The following DAPK1 variants were observed in gnomAD, a reference collection of about 807,000 sequenced individuals.
DAPK1 encodes the protein death-associated protein kinase 1.
Under a neutral mutation model 144.9 loss-of-function variants are expected in DAPK1, and 56 were observed. The observed-to-expected ratio is 0.39, with a 90% CI of 0.31 to 0.48. The LOEUF (loss-of-function observed/expected upper bound fraction) is 0.48. Among genes scored for constraint, DAPK1 ranks in the 20% least tolerant of loss-of-function variants. The pLI, the probability that DAPK1 is intolerant of heterozygous loss-of-function variation, is 0.95. For missense variants in DAPK1, 1,454 were observed against 1,875.4 expected, an observed-to-expected ratio of 0.78 and a Z score of 4.15; for synonymous variants, 690 against 749.0, an observed-to-expected ratio of 0.92 and a Z score of 1.29.
chr9:87,523,755 A>G (rs1047799721), intron 2 of DAPK1, among the ~76,000 whole-genome samples: 4 of 152,146 alleles, frequency 2.6e-5, no homozygotes, highest in Non-Finnish European at 4.4e-5. Context: ...CCCCTCAGTT[A>G]CCATTTGCTC....
chr9:87,661,404 T>TGTGCGTAA (rs1830842825), intron 18 of DAPK1, among the ~76,000 whole-genome samples: 1 of 152,208 alleles, frequency 6.6e-6, no homozygotes, highest in Non-Finnish European at 1.5e-5. Flanking sequence ...TTTCTCTATG[T>TGTGCGTAA]TTTCCATAGA....
chr9:87,648,919 C>G, intron 15 of DAPK1, 40 bp downstream of exon 15: 1 of 1,526,480 alleles, frequency 6.6e-7, no homozygotes, highest in Non-Finnish European at 9.1e-7. Context: ...CTGCTCTATA[C>G]ATGAATGTAC....
intron 1 of DAPK1, 49 bp from the exon 2 acceptor site, chr9:87,498,921 T>C (rs924033501): frequency 6.7e-6 from 4 of 595,368 alleles, no homozygotes; most frequent in Non-Finnish European, 1.2e-5. Context: ...TACTTCCTTT[T>C]GGGGTTGCCA....
At position 87,706,387 on chromosome 9, in the gene DAPK1, C is replaced by T. The variant is rs1214129083; in HGVS notation, c.3316C>T (p.Leu1106=). 1 of 1,611,684 alleles carries T rather than the reference C, an allele frequency of 6.2e-7. No homozygotes were observed. The highest frequency in any genetic ancestry group is 8.5e-7 in the Non-Finnish European group (1 of 1,179,020). ...CGGGACCATGGTGGACGTCCCAGCC[C>T]TGATCAAGACAGACAACCTGCACCG... The part of the protein sequence containing the change: ...SSGTMVDVPA[L]IKTDNLHRSW... The change falls in exon 26 of 26, where the codon CTG becomes TTG. Residue 1106 remains leucine (L), a synonymous_variant. Coordinates refer to ENST00000408954, the MANE Select transcript of DAPK1 (RefSeq NM_004938.4). This position sits in a 1 kb window ranked among gnomAD's most constrained non-coding sequence, Gnocchi z 9.0.
At position 87,686,806 on chromosome 9, in the gene DAPK1, A is replaced by G; in HGVS notation, c.2413+67A>G. ...TTCAACAGGGTTGTAAGTCATCCCT[A>G]AAGGGAGCTTGTCCTGAGCTGTATC... On this transcript the variant is annotated intron_variant, in intron 21 of 25. Coordinates refer to ENST00000408954, the MANE Select transcript of DAPK1 (RefSeq NM_004938.4). This position sits in a 1 kb window ranked among gnomAD's most constrained non-coding sequence, Gnocchi z 4.2. 1.4e-6 allele frequency: 2 copies of G among 1,406,226 alleles called. No individual in the cohort carries two copies. The highest frequency in any genetic ancestry group is 2.0e-6 in the Non-Finnish European group (2 of 1,020,340). The allele number at this position is 1,406,226 out of a possible 1,614,324, so 87.1% of individuals were successfully genotyped here.
chr9:87,631,104 G>A (rs915455214), intron 3 of DAPK1, among the ~76,000 whole-genome samples: 1 of 152,148 alleles, frequency 6.6e-6, no homozygotes, highest in Non-Finnish European at 1.5e-5. Context: ...CCTCGAAGGT[G>A]TGCCCTGGGG....
intron 3 of DAPK1, among the ~76,000 whole-genome samples, chr9:87,622,111 G>A (rs539546173): frequency 1.3e-5 from 2 of 151,488 alleles, no homozygotes; most frequent in East Asian, 3.9e-4. Context: ...ATTTCTAAAA[G>A]GTCTCTGGGA....
At chr9:87,624,656 T>G (rs1182525073) in intron 3 of DAPK1, among the ~76,000 whole-genome samples, 1 of 152,186 alleles carries the variant, frequency 6.6e-6, no homozygotes, top group Non-Finnish European at 1.5e-5. Flanking sequence ...ATCCCCTGAT[T>G]TCTTCCAGAT....
At chr9:87,587,367 T>C (rs1024262682) in intron 2 of DAPK1, among the ~76,000 whole-genome samples, 1 of 152,244 alleles carries the variant, frequency 6.6e-6, no homozygotes. Flanking sequence ...GTGTGTTTCT[T>C]ATATAGAATA....
chr9:87,688,275 T>C (rs1587846375), intron 21 of DAPK1, among the ~76,000 whole-genome samples: 1 of 152,362 alleles, frequency 6.6e-6, no homozygotes, highest in East Asian at 1.9e-4. Flanking sequence ...ATGATTTTCT[T>C]CTTTTTTATG....
chr9:87,604,811 A>G, intron 2 of DAPK1, 143 bp from the exon 3 acceptor site: 2 of 657,402 alleles, frequency 3.0e-6, no homozygotes, highest in Non-Finnish European at 5.3e-6. Context: ...ATGATAAGAA[A>G]CATCCCTACC....
intron 2 of DAPK1, among the ~76,000 whole-genome samples, chr9:87,579,563 G>C (rs991924324): frequency 4.6e-5 from 7 of 152,116 alleles, no homozygotes; most frequent in Admixed American, 3.3e-4. Flanking sequence ...TCTACGTTGG[G>C]AATAATAGCA....
chr9:87,541,549 GAAA>G (rs34942132), intron 2 of DAPK1, among the ~76,000 whole-genome samples: 174 of 133,344 alleles, frequency 1.3e-3, no homozygotes, highest in Middle Eastern at 7.7e-3. Context: ...ACTCTGTCTG[GAAA>G]AAAAAAAAAA....
chr9:87,571,528 C>CACACACACACACACACACACACACACACA (rs55676810), intron 2 of DAPK1, among the ~76,000 whole-genome samples: 10 of 135,684 alleles, frequency 7.4e-5, no homozygotes, highest in African/African-American at 1.3e-4. Context: ...CACACACACA[C>CACACACACACACACACACACACACACACA]CAGAAGCGAA....
At chr9:87,612,458 C>T (rs1828963325) in intron 3 of DAPK1, among the ~76,000 whole-genome samples, 1 of 152,154 alleles carries the variant, frequency 6.6e-6, no homozygotes, top group African/African-American at 2.4e-5. Flanking sequence ...CAGATTCATC[C>T]TCAGATCCCT....
chr9:87,677,616 T>C (rs1824442455), intron 19 of DAPK1, among the ~76,000 whole-genome samples: 1 of 152,208 alleles, frequency 6.6e-6, no homozygotes, highest in African/African-American at 2.4e-5. Context: ...TGCCTTCCCC[T>C]GGTCTCAGAT....
intron 2 of DAPK1, 102 bp downstream of exon 2, chr9:87,499,241 C>A: frequency 9.4e-7 from 1 of 1,067,904 alleles, no homozygotes. Flanking sequence ...GCGTCTCCCT[C>A]GCCCTTTCTG....
intron 2 of DAPK1, among the ~76,000 whole-genome samples, chr9:87,587,373 G>A (rs1258856124): frequency 6.6e-6 from 1 of 152,164 alleles, no homozygotes; most frequent in African/African-American, 2.4e-5. Flanking sequence ...TTCTTATATA[G>A]AATAAGTACT....
chr9:87,636,552 T>G (rs1829900279), intron 3 of DAPK1, among the ~76,000 whole-genome samples: 1 of 152,244 alleles, frequency 6.6e-6, no homozygotes, highest in African/African-American at 2.4e-5. Flanking sequence ...CAAATAATTC[T>G]GATACCCATG....
Sources: allele counts gnomAD v4.1 joint callset (sites outside exome capture counted in the v4.1 genomes callset), GRCh38; gene constraint gnomAD v4.1.1; non-coding constraint Gnocchi (gnomAD v3.1); transcripts MANE v1.5; gene names NCBI Gene and HGNC (gene_info 2026-07-23, HGNC 2026-07-21).